Variants in GALNT15 observed in about 807,000 individuals in gnomAD.
The protein encoded by GALNT15 is polypeptide N-acetylgalactosaminyltransferase 15.
Under a neutral mutation model 66.8 loss-of-function variants are expected in GALNT15, and 67 were observed. The ratio of observed to expected loss-of-function variants is 1.00; its 90% CI spans 0.82 to 1.23. The LOEUF is 1.23. Ranked by LOEUF, GALNT15 falls within the 50% of genes most tolerant of loss-of-function variation. The pLI is 0.00. For synonymous variants in GALNT15, 313 were observed against 311.5 expected, an observed-to-expected ratio of 1.00 and a Z score of -0.05; for missense variants, 827 against 804.3, an observed-to-expected ratio of 1.03 and a Z score of -0.34.
chr3:16,229,759 G>A lies in GALNT15; in HGVS notation c.*2259G>A, dbSNP rs2064064443. The A allele has an allele frequency of 1.0e-6, 1 of 980,638 alleles. No individual in the cohort carries two copies. Among genetic ancestry groups the A allele is most frequent in the Non-Finnish European group, 1.2e-6 (1 of 825,758 alleles). 60.7% of individuals were successfully genotyped at this position (980,638 alleles called of 1,614,324 possible). A position where few individuals can be genotyped will look rare whatever the true frequency, so the allele number is the denominator to read the frequency against. ...GAATTTAATTGCATAAATTGTATTA[G>A]GTGGCAATTAACAAAAGGACCCAGA... On this transcript the variant is annotated 3_prime_UTR_variant, in exon 10 of 10. Transcript: ENST00000339732.
At chr3:16,205,449 T>C (rs1258331888) in intron 3 of GALNT15, among the ~76,000 whole-genome samples, 1 of 152,226 alleles carries the variant, frequency 6.6e-6, no homozygotes, top group Non-Finnish European at 1.5e-5. Flanking sequence ...GCAGCTTGAC[T>C]CCTTCTGTTT....
At chr3:16,208,346 G>A (rs1399481300) in intron 3 of GALNT15, among the ~76,000 whole-genome samples, 157 bp from the exon 4 acceptor site, 1 of 151,862 alleles carries the variant, frequency 6.6e-6, no homozygotes, top group African/African-American at 2.4e-5. Context: ...CTTAATCCAG[G>A]GTGTATTTTA....
chr3:16,233,577 T>C (rs1374128237), downstream of GALNT15, among the ~76,000 whole-genome samples: 5 of 152,168 alleles, frequency 3.3e-5, no homozygotes, highest in African/African-American at 1.2e-4. Context: ...TCCCTCACTT[T>C]CTTTATCTTT....
rs1183821563 is a variant in GALNT15, at chr3:16,216,583, A to C, written c.1393-2820A>C. On this transcript the variant is annotated intron_variant, in intron 6 of 9. Coordinates refer to ENST00000339732, the MANE Select transcript of GALNT15 (RefSeq NM_054110.5). Reference sequence around the variant, plus strand: ...GGCCAAGTGGGGGACTTGAGCGATCAATTAAGTGCGCAGTTTGATTTTTCA... The same window carrying C: ...GGCCAAGTGGGGGACTTGAGCGATCCATTAAGTGCGCAGTTTGATTTTTCA... 2.0e-5 allele frequency among the ~76,000 whole-genome samples: 3 copies of C among 152,012 alleles called. No homozygotes were observed. The East Asian group carries it at 5.8e-4, about 29-fold the overall frequency.
chr3:16,234,566 A>G (rs2064114654), downstream of GALNT15, among the ~76,000 whole-genome samples: 2 of 152,220 alleles, frequency 1.3e-5, no homozygotes, highest in African/African-American at 4.8e-5. Flanking sequence ...AGCTGGCTTG[A>G]TAATGCATCT....
Position 16,186,057 on chromosome 3 carries a change from G to C in GALNT15, c.540-9703G>C, listed in dbSNP as rs1346469080. Among the ~76,000 whole-genome samples, 1 of 152,100 alleles carries C rather than the reference G, an allele frequency of 6.6e-6. No individual in the cohort carries two copies. Among genetic ancestry groups the C allele is most frequent in the African/African-American group, 2.4e-5 (1 of 41,406 alleles). On this transcript the variant is annotated intron_variant, in intron 1 of 9. Coordinates refer to ENST00000339732, the MANE Select transcript of GALNT15 (RefSeq NM_054110.5). The surrounding 1 kb of genome is among the most constrained non-coding windows in gnomAD (Gnocchi z 5.1). ...TTTGTAAGTCCTATATTGCATAAGA[G>C]ATTTGTATCCAAAATACAAAAAGAA...
Position 16,208,537 on chromosome 3 carries a change from G to A in GALNT15, c.946G>A (p.Asp316Asn), listed in dbSNP as rs1418132636. Residue 316 changes from aspartate (D) to asparagine (N), a missense_variant, in exon 4 of 10, where the codon GAC becomes AAC. By Grantham distance (23) the Asp-to-Asn change is conservative. Coordinates refer to ENST00000339732, the MANE Select transcript of GALNT15 (RefSeq NM_054110.5). ...RVVSPVIDVI[D>N]WKTFQYYPSK... ...GGTATCTCCGGTGATAGATGTGATT[G>A]ACTGGAAGACTTTCCAGTATTACCC... The A allele has an allele frequency of 6.2e-7, 1 of 1,614,048 alleles. No homozygotes were observed. The highest frequency in any genetic ancestry group is 1.7e-5 in the Admixed American group (1 of 60,018).
chr3:16,202,161 A>T (rs954840848), intron 3 of GALNT15, among the ~76,000 whole-genome samples: 1 of 152,276 alleles, frequency 6.6e-6, no homozygotes, highest in African/African-American at 2.4e-5. Context: ...AATGACAGAA[A>T]GTAAATTGTT....
At chr3:16,247,429 A>G in the GALNT15 span, among the ~76,000 whole-genome samples, 2 of 152,268 alleles carry the variant, frequency 1.3e-5, no homozygotes, top group Non-Finnish European at 2.9e-5. Context: ...ACGTCAGATC[A>G]TGATGCCTTT....
chr3:16,208,447 C>A, intron 3 of GALNT15, 56 bp from the exon 4 acceptor site: 1 of 1,583,606 alleles, frequency 6.3e-7, no homozygotes, highest in South Asian at 1.1e-5. Flanking sequence ...AGACTGTTTC[C>A]AGCCCCAGCA....
chr3:16,177,036 T>C (rs978711895), intron 1 of GALNT15, among the ~76,000 whole-genome samples: 16 of 152,164 alleles, frequency 1.1e-4, no homozygotes, highest in Admixed American at 7.2e-4. Context: ...GTGCCCTCCT[T>C]GCACCCTGGA....
At chr3:16,210,745 G>A (rs1347155237) in intron 4 of GALNT15, among the ~76,000 whole-genome samples, 1 of 152,212 alleles carries the variant, frequency 6.6e-6, no homozygotes, top group Non-Finnish European at 1.5e-5. Flanking sequence ...GCCTGACCAT[G>A]TCGCCGTGTC....
In GALNT15 at chr3:16,211,265, C is replaced by T; in HGVS notation, c.1197+24C>T. On this transcript the variant is annotated intron_variant, in intron 5 of 9. Coordinates refer to ENST00000339732, the MANE Select transcript of GALNT15 (RefSeq NM_054110.5). This position sits in a 1 kb window ranked among gnomAD's most constrained non-coding sequence, Gnocchi z 4.3. ...AGGTATGTCCTGGACCAAGGGAGGA[C>T]AGAGGTGGGATCTCTGGAGTGGTGT... 1 of 1,469,606 alleles carries T rather than the reference C, an allele frequency of 6.8e-7. No homozygotes were observed. Among genetic ancestry groups the T allele is most frequent in the Non-Finnish European group, 9.5e-7 (1 of 1,048,178 alleles). The allele number at this position is 1,469,606 out of a possible 1,614,324, so 91.0% of individuals were successfully genotyped here.
At chr3:16,232,540 G>A (rs2064095789), downstream of GALNT15, among the ~76,000 whole-genome samples, 1 of 127,220 alleles carries the variant, frequency 7.9e-6, no homozygotes, top group African/African-American at 2.9e-5. Context: ...ATGTGAGAAT[G>A]TTGAGCTCTC....
intron 3 of GALNT15, among the ~76,000 whole-genome samples, chr3:16,207,501 T>TAAAAAAAA (rs36127239): frequency 2.8e-4 from 11 of 39,844 alleles, no homozygotes; most frequent in Non-Finnish European, 4.6e-4. Flanking sequence ...CTCCAGGCTG[T>TAAAAAAAA]AAAAAAAAAA....
rs995941997 is a variant in GALNT15, at chr3:16,180,083, C to T, written c.539+4393C>T. The stretch of plus-strand genomic sequence containing the variant: ...ATCTACATCTACGGCTGAACTTGAG[C>T]GTGCATCCGAACAACTAGATGGCTT... On this transcript the variant is annotated intron_variant, in intron 1 of 9. Coordinates refer to ENST00000339732, the MANE Select transcript of GALNT15 (RefSeq NM_054110.5). The surrounding 1 kb of genome is among the most constrained non-coding windows in gnomAD (Gnocchi z 5.0). Among the ~76,000 whole-genome samples, 6 of 152,186 alleles carry T rather than the reference C, an allele frequency of 3.9e-5. No individual in the cohort carries two copies. Among genetic ancestry groups the T allele is most frequent in the South Asian group, 2.1e-4 (1 of 4,820 alleles).
rs1016207363 is a variant in GALNT15 at position 16,188,710 on chromosome 3, G to T, written c.540-7050G>T. ...AGGTTTCCAGTGGCTTCTCTGAATTGCTGCTCAAACCCTCCTCCTAGTTCT... is the reference window on the plus strand; with the variant it reads ...AGGTTTCCAGTGGCTTCTCTGAATTTCTGCTCAAACCCTCCTCCTAGTTCT... On this transcript the variant is annotated intron_variant, in intron 1 of 9. Coordinates refer to ENST00000339732, the MANE Select transcript of GALNT15 (RefSeq NM_054110.5). The surrounding 1 kb of genome is among the most constrained non-coding windows in gnomAD (Gnocchi z 4.6). 3.3e-5 allele frequency among the ~76,000 whole-genome samples: 5 copies of T among 152,158 alleles called. No homozygotes were observed. The highest frequency in any genetic ancestry group is 7.2e-5 in the African/African-American group (3 of 41,426).
the GALNT15 span, among the ~76,000 whole-genome samples, chr3:16,239,121 G>A: frequency 6.6e-6 from 1 of 152,164 alleles, no homozygotes; most frequent in Non-Finnish European, 1.5e-5. The surrounding 1 kb of genome is among the most constrained non-coding windows in gnomAD (Gnocchi z 5.2). Flanking sequence ...GCAGAAGCAA[G>A]TTCTCCTCAT....
the GALNT15 span, among the ~76,000 whole-genome samples, chr3:16,243,119 A>G: frequency 6.6e-6 from 1 of 152,148 alleles, no homozygotes; most frequent in Non-Finnish European, 1.5e-5. Flanking sequence ...TGAGGGTTAC[A>G]CCCGGGGCCA....
Sources: gnomAD v4.1 joint callset for allele counts (sites outside exome capture counted in the v4.1 genomes callset) on GRCh38, gnomAD v4.1.1 for gene constraint, Gnocchi (gnomAD v3.1) non-coding constraint, MANE v1.5 for transcripts, NCBI Gene and HGNC (gene_info 2026-07-23, HGNC 2026-07-21) for gene names.